PLCB1: variants seen among roughly 807,000 people sequenced by gnomAD.
The protein encoded by PLCB1 is 1-phosphatidylinositol 4,5-bisphosphate phosphodiesterase beta-1.
Under a neutral mutation model 161.8 loss-of-function variants are expected in PLCB1, and 46 were observed. That is an observed-to-expected ratio of 0.28 (90% CI 0.22 to 0.36). PLCB1 has a LOEUF of 0.36. Ranked by LOEUF, PLCB1 falls within the 10% of genes least tolerant of loss-of-function variation. The probability of loss-of-function intolerance (pLI) is 1.00; values close to 1 mark genes in which losing one functional copy is unlikely to be tolerated. For synonymous variants in PLCB1, 517 were observed against 503.7 expected (o/e 1.03, Z -0.35); for missense variants, 1,016 against 1,472.5 (o/e 0.69, Z 5.07).
At chr20:8,305,436 T>C (rs148405827) in intron 2 of PLCB1, among the ~76,000 whole-genome samples, 1 of 152,212 alleles carries the variant, frequency 6.6e-6, no homozygotes, top group African/African-American at 2.4e-5. Flanking sequence ...CTCAAAGTGG[T>C]TAAAGATAAT....
chr20:8,197,466 A>C (rs1020064504), intron 2 of PLCB1, among the ~76,000 whole-genome samples: 9 of 152,070 alleles, frequency 5.9e-5, no homozygotes, highest in Admixed American at 3.3e-4. Flanking sequence ...TCTTCTTTTG[A>C]GAGGTGTCTG....
At chr20:8,784,975 C>A (rs6039265) in intron 27 of PLCB1, among the ~76,000 whole-genome samples, 47,205 of 151,936 alleles carry the variant, frequency 0.31, 7,463 homozygotes, top group South Asian at 0.36. Context: ...CCTATTTTGT[C>A]TAGAGCCTGG....
chr20:8,816,135 A>C (rs1985076771), intron 31 of PLCB1, among the ~76,000 whole-genome samples: 1 of 152,222 alleles, frequency 6.6e-6, no homozygotes, highest in African/African-American at 2.4e-5. Context: ...TTTCAGAAAA[A>C]ACCAGGAGAT....
At chr20:8,278,354 G>A (rs1600282627) in intron 2 of PLCB1, among the ~76,000 whole-genome samples, 1 of 104,154 alleles carries the variant, frequency 9.6e-6, no homozygotes, top group African/African-American at 3.7e-5. Flanking sequence ...TTTATATTAT[G>A]TATATATATA....
At chr20:8,512,823 C>G (rs998551564) in intron 3 of PLCB1, among the ~76,000 whole-genome samples, 12 of 152,120 alleles carry the variant, frequency 7.9e-5, no homozygotes, top group Non-Finnish European at 1.2e-4. Flanking sequence ...AATTCATTCT[C>G]TTAGCAATTT....
At chr20:8,201,969 G>A (rs2052095978) in intron 2 of PLCB1, among the ~76,000 whole-genome samples, 1 of 152,174 alleles carries the variant, frequency 6.6e-6, no homozygotes, top group South Asian at 2.1e-4. Context: ...ATTTAATAGA[G>A]ATGTCAGAAT....
At chr20:8,443,891 A>G (rs1157360910) in intron 3 of PLCB1, among the ~76,000 whole-genome samples, 1 of 152,104 alleles carries the variant, frequency 6.6e-6, no homozygotes, top group African/African-American at 2.4e-5. Context: ...GGGTCACAAT[A>G]GCACCCCACA....
intron 31 of PLCB1, among the ~76,000 whole-genome samples, chr20:8,870,328 A>G (rs1037160226): frequency 6.6e-6 from 1 of 152,226 alleles, no homozygotes; most frequent in Admixed American, 6.5e-5. Flanking sequence ...GAGACGTCAA[A>G]GTCATGAAGG....
chr20:8,635,833 A>G (rs1442473152), intron 4 of PLCB1, among the ~76,000 whole-genome samples: 1 of 152,180 alleles, frequency 6.6e-6, no homozygotes, highest in African/African-American at 2.4e-5. Flanking sequence ...CCATTCATCA[A>G]AAACTTCAGG....
intron 3 of PLCB1, among the ~76,000 whole-genome samples, chr20:8,519,976 T>C (rs1038312159): frequency 6.6e-6 from 1 of 152,156 alleles, no homozygotes; most frequent in African/African-American, 2.4e-5. Context: ...CTTAATGTAG[T>C]TTCTTTTTTA....
Position 8,211,884 on chromosome 20 carries a change from G to A in PLCB1, c.177+61513G>A, listed in dbSNP as rs1049178335. Reference sequence around the variant, plus strand: ...GTTAAAATAAAAATCTGCTTTCTAGGTCAATCTTCATTAAGCTATTAATAT... The same window carrying A: ...GTTAAAATAAAAATCTGCTTTCTAGATCAATCTTCATTAAGCTATTAATAT... On this transcript the variant is annotated intron_variant, in intron 2 of 31. Transcript: ENST00000338037. Among the ~76,000 whole-genome samples the A allele has an allele frequency of 5.3e-5, 8 of 152,054 alleles. No individual in the cohort carries two copies. In the South Asian group the frequency reaches 1.7e-3, roughly 32 times the overall value.
In PLCB1 at chr20:8,603,122, A is replaced by T. The variant is rs181882379; in HGVS notation, c.247-25172A>T. 1.7e-3 allele frequency among the ~76,000 whole-genome samples: 255 copies of T among 152,352 alleles called. 1 individual carries two copies. Among genetic ancestry groups the T allele is most frequent in the Middle Eastern group, 0.01 (3 of 294 alleles). ...GTATGACAAACAGGACAAATGCTCT[A>T]GCAAAAATAAATTCTACTTTCTCTC... On this transcript the variant is annotated intron_variant, in intron 3 of 31. Coordinates refer to ENST00000338037, the MANE Select transcript of PLCB1 (RefSeq NM_015192.4).
intron 31 of PLCB1, among the ~76,000 whole-genome samples, chr20:8,865,864 G>A (rs1305393773): frequency 6.6e-6 from 1 of 152,150 alleles, no homozygotes; most frequent in African/African-American, 2.4e-5. Context: ...CCGTGGACAG[G>A]TGCCTGCAAA....
At chr20:8,498,889 G>T (rs1983288912) in intron 3 of PLCB1, among the ~76,000 whole-genome samples, 1 of 152,184 alleles carries the variant, frequency 6.6e-6, no homozygotes, top group South Asian at 2.1e-4. Context: ...GCTTATTTCT[G>T]TGTCACATGG....
At chr20:8,662,513 T>C (rs988446827) in intron 9 of PLCB1, among the ~76,000 whole-genome samples, 2 of 142,812 alleles carry the variant, frequency 1.4e-5, no homozygotes, top group African/African-American at 2.5e-5. Flanking sequence ...ATGTATAATA[T>C]ATAATTTTTT....
intron 3 of PLCB1, among the ~76,000 whole-genome samples, chr20:8,580,176 G>C (rs1986789630): frequency 6.6e-6 from 1 of 152,206 alleles, no homozygotes; most frequent in South Asian, 2.1e-4. Context: ...AGTGCTTCCA[G>C]TGTCAGCGAA....
At chr20:8,457,568 T>C (rs1981371652) in intron 3 of PLCB1, among the ~76,000 whole-genome samples, 1 of 152,202 alleles carries the variant, frequency 6.6e-6, no homozygotes, top group Admixed American at 6.5e-5. Flanking sequence ...ATTAAAATCT[T>C]ATTTTAATCA....
chr20:8,399,333 C>G (rs555300836), intron 3 of PLCB1, among the ~76,000 whole-genome samples: 3 of 152,104 alleles, frequency 2.0e-5, no homozygotes, highest in African/African-American at 7.2e-5. Flanking sequence ...GCCAACACCA[C>G]TTATTTAAAA....
intron 3 of PLCB1, among the ~76,000 whole-genome samples, chr20:8,461,046 T>A (rs1981553314): frequency 6.6e-6 from 1 of 152,222 alleles, no homozygotes; most frequent in Admixed American, 6.5e-5. Flanking sequence ...ACTCAGGAAC[T>A]AAAATTTAAT....
Sources: allele counts gnomAD v4.1 joint callset (sites outside exome capture counted in the v4.1 genomes callset), GRCh38; gene constraint gnomAD v4.1.1; transcripts MANE v1.5; gene names NCBI Gene and HGNC (gene_info 2026-07-23, HGNC 2026-07-21).